JAK1: variants seen among roughly 807,000 people sequenced by gnomAD.
JAK1 encodes the protein tyrosine-protein kinase JAK1.
JAK1 carries 16 observed loss-of-function variants against 136.6 expected under a neutral mutation model. The observed-to-expected ratio is 0.12, with a 90% CI of 0.08 to 0.18. The LOEUF (loss-of-function observed/expected upper bound fraction) is 0.18. JAK1 is among the 10% of genes least tolerant of loss of function. The pLI is 1.00. For synonymous variants in JAK1, 492 were observed against 519.5 expected, an observed-to-expected ratio of 0.95 and a Z score of 0.72; for missense variants, 859 against 1,450.1, an observed-to-expected ratio of 0.59 and a Z score of 6.62.
At chr1:65,051,184 GTTTTT>G (rs34684205) in intron 1 of JAK1, among the ~76,000 whole-genome samples, 6 of 147,944 alleles carry the variant, frequency 4.1e-5, no homozygotes, top group East Asian at 2.0e-4. Flanking sequence ...GGTATGTCAG[GTTTTT>G]TTTTTTTTAA....
intron 1 of JAK1, among the ~76,000 whole-genome samples, chr1:64,913,679 G>A (rs867557144): frequency 3.0e-4 from 9 of 30,500 alleles, no homozygotes; most frequent in African/African-American, 7.0e-4. Flanking sequence ...AAGGAAGGAA[G>A]GAAGGAAGGA....
At chr1:65,044,782 G>T (rs1000840207) in intron 1 of JAK1, among the ~76,000 whole-genome samples, 1 of 152,216 alleles carries the variant, frequency 6.6e-6, no homozygotes, top group Non-Finnish European at 1.5e-5. Flanking sequence ...GAGTGCAACA[G>T]CAAGATTCAT....
At chr1:65,033,075 C>T (rs552284953) in intron 2 of JAK1, among the ~76,000 whole-genome samples, 4 of 152,182 alleles carry the variant, frequency 2.6e-5, no homozygotes, top group African/African-American at 4.8e-5. Context: ...TTGCCTGGAA[C>T]AGAAATATGA....
At chr1:65,064,914 C>T (rs1647973793) in intron 1 of JAK1, among the ~76,000 whole-genome samples, 1 of 152,146 alleles carries the variant, frequency 6.6e-6, no homozygotes, top group South Asian at 2.1e-4. Context: ...GAATCTTGAA[C>T]CATCCTATTT....
At position 64,833,239 on chromosome 1, in the gene JAK1, A is replaced by G. The variant is rs1388055368; in HGVS notation, c.*1323T>C. 1 of 222,662 alleles carries G rather than the reference A, an allele frequency of 4.5e-6. No individual in the cohort carries two copies. The highest frequency in any genetic ancestry group is 5.7e-5 in the Admixed American group (1 of 17,406). 13.8% of individuals were successfully genotyped at this position (222,662 alleles called of 1,614,324 possible). On this transcript the variant is annotated 3_prime_UTR_variant, in exon 25 of 25. Coordinates refer to ENST00000342505, the MANE Select transcript of JAK1 (RefSeq NM_002227.4). Reference sequence around the variant, plus strand: ...AAAGGCATATGCATGTAAAGTCTTTAGTATATTTATTTGTATAAAGAGTAA... The same window carrying G: ...AAAGGCATATGCATGTAAAGTCTTTGGTATATTTATTTGTATAAAGAGTAA...
Position 65,000,608 on chromosome 1 carries a change from G to A in JAK1, c.-78+43872C>T, listed in dbSNP as rs143219052. Among the ~76,000 whole-genome samples, 42 of 152,056 alleles carry A rather than the reference G, an allele frequency of 2.8e-4. No individual in the cohort carries two copies. In the East Asian group the frequency reaches 7.7e-3, roughly 28 times the overall value. ...TCAATAGGGCTTTGGTTAAATAAAT[G>A]TACAATGGAATACGAAGTAGTGATT... On this transcript the variant is annotated intron_variant, in intron 2 of 25. Coordinates refer to the JAK1 transcript ENST00000671954.
intron 2 of JAK1, among the ~76,000 whole-genome samples, chr1:64,884,748 T>A (rs1644826768): frequency 6.6e-6 from 1 of 152,208 alleles, no homozygotes; most frequent in African/African-American, 2.4e-5. Flanking sequence ...TATCGCCTCC[T>A]GCAGGAAGCC....
intron 2 of JAK1, among the ~76,000 whole-genome samples, chr1:65,030,911 T>C (rs1647017167): frequency 6.6e-6 from 1 of 151,820 alleles, no homozygotes; most frequent in African/African-American, 2.4e-5. Flanking sequence ...CCCAGGACTT[T>C]GGGGGGCAGA....
At chr1:65,023,659 A>G (rs993489502) in intron 2 of JAK1, among the ~76,000 whole-genome samples, 1 of 151,972 alleles carries the variant, frequency 6.6e-6, no homozygotes, top group Non-Finnish European at 1.5e-5. Context: ...AATTGTTTGT[A>G]TTTTTAGTAG....
intron 1 of JAK1, among the ~76,000 whole-genome samples, chr1:64,913,697 A>G (rs1423647225): frequency 8.1e-5 from 3 of 37,250 alleles, no homozygotes; most frequent in Non-Finnish European, 1.6e-4. Flanking sequence ...GGAAGGAAGG[A>G]AGGAAAGAAG....
At chr1:65,046,997 C>T (rs1647190066) in intron 1 of JAK1, among the ~76,000 whole-genome samples, 2 of 150,360 alleles carry the variant, frequency 1.3e-5, no homozygotes, top group South Asian at 2.1e-4. Flanking sequence ...TCAAGACCAG[C>T]CTAGGCAACA....
chr1:65,059,112 A>G (rs1193100021), intron 1 of JAK1, among the ~76,000 whole-genome samples: 1 of 150,804 alleles, frequency 6.6e-6, no homozygotes, highest in African/African-American at 2.4e-5. Flanking sequence ...TTCTGGAAAT[A>G]GATTAGATAT....
At chr1:65,044,399 A>C (rs1218403648) in intron 2 of JAK1, among the ~76,000 whole-genome samples, 1 of 152,190 alleles carries the variant, frequency 6.6e-6, no homozygotes, top group East Asian at 1.9e-4. Context: ...TTCTGAGCTT[A>C]TTGTCTACCT....
At chr1:64,895,815 CAT>C (rs1024115954) in intron 1 of JAK1, among the ~76,000 whole-genome samples, 7 of 152,238 alleles carry the variant, frequency 4.6e-5, no homozygotes, top group Non-Finnish European at 2.9e-5. Context: ...TCTTCTTACA[CAT>C]GACTTATTTT....
At chr1:64,861,839 G>A (rs1402608130) in intron 8 of JAK1, among the ~76,000 whole-genome samples, 2 of 152,160 alleles carry the variant, frequency 1.3e-5, no homozygotes, top group South Asian at 2.1e-4. Context: ...ACACTGCCTT[G>A]CGGGTGTGAC....
chr1:64,835,300 T>C, intron 24 of JAK1, 96 bp downstream of exon 24: 1 of 628,078 alleles, frequency 1.6e-6, no homozygotes, highest in South Asian at 2.4e-5. Context: ...CACTGCATCA[T>C]TTCCTCGCTC....
intron 2 of JAK1, among the ~76,000 whole-genome samples, chr1:64,998,101 G>C (rs1435190201): frequency 2.0e-5 from 3 of 152,138 alleles, no homozygotes; most frequent in African/African-American, 7.2e-5. Context: ...TCATGAACTG[G>C]AAGTCAGATC....
chr1:65,008,504 T>C (rs2100765063), intron 2 of JAK1, among the ~76,000 whole-genome samples: 1 of 152,258 alleles, frequency 6.6e-6, no homozygotes, highest in African/African-American at 2.4e-5. Context: ...AATCCTGGCC[T>C]CAAGTGATCC....
intron 2 of JAK1, among the ~76,000 whole-genome samples, chr1:65,000,593 TTTGG>T (rs1193305093): frequency 6.6e-6 from 1 of 152,128 alleles, no homozygotes; most frequent in Non-Finnish European, 1.5e-5. Flanking sequence ...TCAATAGGGC[TTTGG>T]TTAAATAAAT....
Sources: gnomAD v4.1 joint callset for allele counts (sites outside exome capture counted in the v4.1 genomes callset) on GRCh38, gnomAD v4.1.1 for gene constraint, MANE v1.5 for transcripts, NCBI Gene and HGNC (gene_info 2026-07-23, HGNC 2026-07-21) for gene names.